The following KATNIP variants were observed in gnomAD, a reference collection of about 807,000 sequenced individuals.
The protein encoded by KATNIP is katanin interacting protein, also known as katanin-interacting protein.
Under a neutral mutation model 174.0 loss-of-function variants are expected in KATNIP, and 126 were observed. The observed-to-expected ratio is 0.72, with a 90% confidence interval of 0.63 to 0.84. The LOEUF (loss-of-function observed/expected upper bound fraction) is 0.84, where lower values mean the gene tolerates loss of function less well. KATNIP is among the 40% of genes least tolerant of loss of function. The pLI is 0.00. For synonymous variants in KATNIP, 810 were observed against 835.7 expected (o/e 0.97, Z 0.53); for missense variants, 1,958 against 2,109.7 (o/e 0.93, Z 1.41).
rs528959408 is a variant in KATNIP at position 27,715,241 on chromosome 16, G to A, written c.1606-6317G>A. ...TTGGGACAAATGCGTTTCCACATGC[G>A]AGAAAATGAAGGTGGACTTCCACCA... On this transcript the variant is annotated intron_variant, in intron 13 of 27. Coordinates refer to ENST00000261588, the MANE Select transcript of KATNIP (RefSeq NM_015202.5). 2.6e-5 allele frequency among the ~76,000 whole-genome samples: 4 copies of A among 152,308 alleles called. No homozygotes were observed. The East Asian group carries it at 7.7e-4, about 29-fold the overall frequency.
chr16:27,699,109 G>T (rs190662663), intron 9 of KATNIP, among the ~76,000 whole-genome samples: 235 of 152,352 alleles, frequency 1.5e-3, no homozygotes, highest in African/African-American at 4.8e-3. Flanking sequence ...TGAGTCGCCT[G>T]TTGAAACCCT....
chr16:27,598,946 C>T (rs1210423014), intron 2 of KATNIP, among the ~76,000 whole-genome samples: 1 of 152,148 alleles, frequency 6.6e-6, no homozygotes, highest in African/African-American at 2.4e-5. Context: ...GGTCTTTGCA[C>T]CTTTGCCATT....
At chr16:27,675,755 T>C (rs916004901) in intron 6 of KATNIP, among the ~76,000 whole-genome samples, 3 of 152,172 alleles carry the variant, frequency 2.0e-5, no homozygotes, top group Non-Finnish European at 4.4e-5. Context: ...TATGACATTC[T>C]CAAAAGTCAT....
intron 5 of KATNIP, among the ~76,000 whole-genome samples, chr16:27,633,791 T>C (rs2142190085): frequency 6.6e-6 from 1 of 152,342 alleles, no homozygotes; most frequent in Non-Finnish European, 1.5e-5. Flanking sequence ...GTGACTTCCT[T>C]AGAGTTGCAT....
chr16:27,607,189 A>T (rs1016147657), intron 2 of KATNIP, among the ~76,000 whole-genome samples: 1 of 152,084 alleles, frequency 6.6e-6, no homozygotes, highest in Non-Finnish European at 1.5e-5. Flanking sequence ...ACGTGGACTG[A>T]GAGTGGACGA....
chr16:27,778,469 C>T, intron 27 of KATNIP, 105 bp from the exon 28 acceptor site: 2 of 1,165,148 alleles, frequency 1.7e-6, no homozygotes, highest in Non-Finnish European at 1.3e-6. Context: ...TTTCCAAGGG[C>T]CTTGAATGGC....
intron 11 of KATNIP, among the ~76,000 whole-genome samples, chr16:27,702,630 C>T (rs1026525551): frequency 6.6e-6 from 1 of 152,116 alleles, no homozygotes; most frequent in Non-Finnish European, 1.5e-5. Flanking sequence ...GAGGGTCTGG[C>T]CTGGGGCTGC....
At chr16:27,655,177 G>T (rs1321679766) in intron 6 of KATNIP, among the ~76,000 whole-genome samples, 1 of 38,548 alleles carries the variant, frequency 2.6e-5, no homozygotes. Context: ...CCCTAGAATG[G>T]ATATATATAT....
At chr16:27,707,615 C>T (rs973997389) in intron 12 of KATNIP, among the ~76,000 whole-genome samples, 1 of 152,376 alleles carries the variant, frequency 6.6e-6, no homozygotes, top group South Asian at 2.1e-4. Flanking sequence ...GGCCATGTTA[C>T]CTACTATATC....
At chr16:27,698,180 C>A in intron 8 of KATNIP, 148 bp from the exon 9 acceptor site, 5 of 843,060 alleles carry the variant, frequency 5.9e-6, no homozygotes, top group Non-Finnish European at 9.2e-6. Flanking sequence ...AATCTGGAAC[C>A]GTTTTCTTTG....
Position 27,762,801 on chromosome 16 carries a change from A to G in KATNIP, c.3809+1211A>G, listed in dbSNP as rs148247664. ...AACATCCTGGCAAGTCACTCTCCTG[A>G]GTATTTAGGCTTGGAGCCTGGAGAC... On this transcript the variant is annotated intron_variant, in intron 19 of 27. Transcript: ENST00000261588. Among the ~76,000 whole-genome samples, 359 of 152,202 alleles carry G rather than the reference A, an allele frequency of 2.4e-3. 3 individuals carry two copies. The highest frequency in any genetic ancestry group is 7.6e-3 in the African/African-American group (317 of 41,514).
At chr16:27,742,336 G>A (rs80140866) in intron 15 of KATNIP, among the ~76,000 whole-genome samples, 5,664 of 152,290 alleles carry the variant, frequency 0.037, 153 homozygotes, top group Admixed American at 0.083. Flanking sequence ...CACCCAGTGT[G>A]GCAAGGAAAG....
At chr16:27,630,850 A>G (rs2076465689) in intron 4 of KATNIP, among the ~76,000 whole-genome samples, 1 of 152,182 alleles carries the variant, frequency 6.6e-6, no homozygotes, top group Admixed American at 6.5e-5. Flanking sequence ...TGGCATGGAT[A>G]TATATACTGG....
intron 15 of KATNIP, among the ~76,000 whole-genome samples, chr16:27,742,745 G>A (rs985258251): frequency 2.0e-5 from 3 of 152,228 alleles, no homozygotes; most frequent in Non-Finnish European, 4.4e-5. Context: ...AGAGATATTA[G>A]CTGTTCTGTC....
At chr16:27,558,030 C>T (rs1448470128) in intron 1 of KATNIP, among the ~76,000 whole-genome samples, 1 of 152,198 alleles carries the variant, frequency 6.6e-6, no homozygotes, top group Non-Finnish European at 1.5e-5. Flanking sequence ...TTGTGTCTGT[C>T]ACTCCTAGGC....
intron 14 of KATNIP, among the ~76,000 whole-genome samples, chr16:27,724,575 A>G (rs1228930830): frequency 6.6e-6 from 1 of 152,138 alleles, no homozygotes; most frequent in Non-Finnish European, 1.5e-5. Flanking sequence ...CAGGGATTTG[A>G]GAGCCGAGGT....
chr16:27,661,366 A>T (rs1314739824), intron 6 of KATNIP, among the ~76,000 whole-genome samples: 2 of 151,994 alleles, frequency 1.3e-5, no homozygotes, highest in Non-Finnish European at 2.9e-5. Context: ...GTTTAAGAGA[A>T]GCCAGGTATC....
chr16:27,602,641 T>C lies in KATNIP; in HGVS notation c.64-15784T>C, dbSNP rs139449298. The stretch of plus-strand genomic sequence containing the variant: ...AGCTAGACAGCAGACCAGAGTTTTA[T>C]GATTACTCAAATCAGCCTTCCTAAA... On this transcript the variant is annotated intron_variant, in intron 2 of 27. Coordinates refer to ENST00000261588, the MANE Select transcript of KATNIP (RefSeq NM_015202.5). Among the ~76,000 whole-genome samples the C allele has an allele frequency of 5.1e-3, 784 of 152,344 alleles. 5 individuals are homozygous for C. Among genetic ancestry groups the C allele is most frequent in the African/African-American group, 0.018 (745 of 41,572 alleles).
chr16:27,690,377 A>T (rs993144525), intron 8 of KATNIP, among the ~76,000 whole-genome samples: 1 of 151,796 alleles, frequency 6.6e-6, no homozygotes, highest in Non-Finnish European at 1.5e-5. Context: ...AGATAGATAG[A>T]TAGATAGATA....
Sources: allele counts gnomAD v4.1 joint callset (sites outside exome capture counted in the v4.1 genomes callset), GRCh38; gene constraint gnomAD v4.1.1; transcripts MANE v1.5; gene names NCBI Gene and HGNC (gene_info 2026-07-23, HGNC 2026-07-21).